ERC1: variants seen among roughly 807,000 people sequenced by gnomAD.
The protein encoded by ERC1 is RAB6 interacting protein 2.
Under a neutral mutation model 132.0 loss-of-function variants are expected in ERC1, and 56 were observed. The ratio of observed to expected loss-of-function variants is 0.42; its 90% CI spans 0.34 to 0.53. ERC1 has a LOEUF of 0.53. Ranked by LOEUF, ERC1 falls within the 20% of genes least tolerant of loss-of-function variation. ERC1 has a pLI of 0.03. For missense variants in ERC1, 1,202 were observed against 1,349.9 expected (o/e 0.89, Z 1.72); for synonymous variants, 478 against 476.1 (o/e 1.00, Z -0.05).
At chr12:1,161,482 C>T (rs746495761) in intron 8 of ERC1, among the ~76,000 whole-genome samples, 4 of 152,194 alleles carry the variant, frequency 2.6e-5, no homozygotes, top group Non-Finnish European at 4.4e-5. Context: ...GTTTCTGTCT[C>T]ATTACGAACT....
chr12:1,068,082 C>A (rs2154180011), intron 2 of ERC1, among the ~76,000 whole-genome samples: 1 of 151,916 alleles, frequency 6.6e-6, no homozygotes, highest in African/African-American at 2.4e-5. Context: ...TAGGCGCCCA[C>A]CACCAAGCCC....
chr12:1,373,987 C>G (rs182396050), intron 16 of ERC1, among the ~76,000 whole-genome samples: 2 of 152,312 alleles, frequency 1.3e-5, no homozygotes, highest in African/African-American at 4.8e-5. Flanking sequence ...CTCCCTTTTA[C>G]ATTCCTGCCC....
At chr12:1,210,633 A>G (rs1045760014) in intron 12 of ERC1, among the ~76,000 whole-genome samples, 1 of 151,862 alleles carries the variant, frequency 6.6e-6, no homozygotes, top group Admixed American at 6.6e-5. Flanking sequence ...TTAATATGGG[A>G]TTGTTATTAT....
chr12:1,177,675 T>C (rs2968869), intron 8 of ERC1, among the ~76,000 whole-genome samples: 58,052 of 152,068 alleles, frequency 0.38, 12,145 homozygotes, highest in African/African-American at 0.55. Flanking sequence ...CACGGATCAC[T>C]GTAACTGATA....
At chr12:1,445,445 G>A (rs978821554) in intron 18 of ERC1, among the ~76,000 whole-genome samples, 1 of 152,036 alleles carries the variant, frequency 6.6e-6, no homozygotes, top group Admixed American at 6.5e-5. Flanking sequence ...TGGCGAGGCT[G>A]GTCTCGAACT....
chr12:1,258,054 T>C (rs2076916688), intron 13 of ERC1, among the ~76,000 whole-genome samples: 1 of 152,156 alleles, frequency 6.6e-6, no homozygotes, highest in South Asian at 2.1e-4. Context: ...GTACAAATAG[T>C]ATATTAGCTA....
intron 1 of ERC1, among the ~76,000 whole-genome samples, chr12:994,679 A>G (rs561390394): frequency 1.4e-3 from 209 of 152,342 alleles, no homozygotes; most frequent in Admixed American, 5.7e-3. Flanking sequence ...TATATATTAA[A>G]TACATATTAT....
chr12:1,469,791 C>CA (rs2093819989), intron 18 of ERC1, among the ~76,000 whole-genome samples: 1 of 152,186 alleles, frequency 6.6e-6, no homozygotes, highest in East Asian at 1.9e-4. Context: ...CAAGAGCTTT[C>CA]AAATCACATA....
chr12:1,198,442 A>G (rs1392542978), intron 12 of ERC1, among the ~76,000 whole-genome samples: 2 of 152,242 alleles, frequency 1.3e-5, no homozygotes, highest in Non-Finnish European at 2.9e-5. Context: ...TGAGAAAGAT[A>G]GAACTGGAGA....
chr12:1,083,630 C>A, intron 3 of ERC1, 50 bp downstream of exon 3: 1 of 1,404,830 alleles, frequency 7.1e-7, no homozygotes, highest in Non-Finnish European at 9.7e-7. Context: ...TCTTTTTTTT[C>A]ACTGATTAAT....
intron 16 of ERC1, among the ~76,000 whole-genome samples, chr12:1,382,372 TCTAA>T (rs2088785035): frequency 6.6e-6 from 1 of 152,228 alleles, no homozygotes; most frequent in African/African-American, 2.4e-5. Flanking sequence ...GGCAGGCACT[TCTAA>T]CTCCAGCTCT....
chr12:1,016,638 T>A (rs376380375), intron 1 of ERC1, among the ~76,000 whole-genome samples: 5 of 150,234 alleles, frequency 3.3e-5, no homozygotes, highest in African/African-American at 1.2e-4. Context: ...TTCTTTTCTT[T>A]TTTTTTTTTT....
chr12:1,353,156 G>A (rs1374801181), intron 15 of ERC1, among the ~76,000 whole-genome samples: 3 of 151,094 alleles, frequency 2.0e-5, no homozygotes, highest in East Asian at 3.9e-4. Flanking sequence ...TCAGCCTCCC[G>A]AGTAGCTGGG....
At chr12:1,198,973 C>T (rs1389936464) in intron 12 of ERC1, among the ~76,000 whole-genome samples, 2 of 130,808 alleles carry the variant, frequency 1.5e-5, no homozygotes, top group Admixed American at 7.4e-5. Flanking sequence ...GGACAAACCA[C>T]CGTCATGACC....
chr12:1,184,125 G>A (rs1410801310), intron 11 of ERC1, among the ~76,000 whole-genome samples: 3 of 133,152 alleles, frequency 2.3e-5, no homozygotes, highest in East Asian at 2.1e-4. Flanking sequence ...GACAGAGCAA[G>A]ACTCCATCTC....
At chr12:1,000,305 C>T (rs565072837) in intron 1 of ERC1, among the ~76,000 whole-genome samples, 1 of 151,926 alleles carries the variant, frequency 6.6e-6, no homozygotes, top group African/African-American at 2.4e-5. Flanking sequence ...AGCAACGTGG[C>T]GAAACCCCAT....
intron 12 of ERC1, among the ~76,000 whole-genome samples, chr12:1,209,556 C>G (rs974210933): frequency 1.3e-5 from 2 of 152,166 alleles, no homozygotes; most frequent in African/African-American, 4.8e-5. Context: ...AAGAAATGCT[C>G]TATAACGCAA....
chr12:1,378,008 TTAA>T, intron 16 of ERC1, among the ~76,000 whole-genome samples: 1 of 152,344 alleles, frequency 6.6e-6, no homozygotes, highest in East Asian at 1.9e-4. Flanking sequence ...AGTTTTATTA[TTAA>T]TTCTTCTCTA....
At chr12:1,171,518 C>T (rs529653898) in intron 8 of ERC1, among the ~76,000 whole-genome samples, 1 of 152,182 alleles carries the variant, frequency 6.6e-6, no homozygotes, top group South Asian at 2.1e-4. Flanking sequence ...TCTTTGCCAA[C>T]TGATTATGAC....
Sources: gnomAD v4.1 joint callset for allele counts (sites outside exome capture counted in the v4.1 genomes callset) on GRCh38, gnomAD v4.1.1 for gene constraint, MANE v1.5 for transcripts, NCBI Gene and HGNC (gene_info 2026-07-23, HGNC 2026-07-21) for gene names.